Variants in CDH8 observed in about 807,000 individuals in gnomAD.
The protein encoded by CDH8 is cadherin-8.
A neutral mutation model predicts 68.1 loss-of-function variants in CDH8; 17 were observed. That is an observed-to-expected ratio of 0.25 (90% CI 0.17 to 0.37). The LOEUF is 0.37. Ranked by LOEUF, CDH8 falls within the 10% of genes least tolerant of loss-of-function variation. CDH8 has a pLI of 1.00. For synonymous variants in CDH8, 372 were observed against 365.1 expected, an observed-to-expected ratio of 1.02 and a Z score of -0.21; for missense variants, 763 against 999.3, an observed-to-expected ratio of 0.76 and a Z score of 3.19.
intron 2 of CDH8, among the ~76,000 whole-genome samples, chr16:62,003,790 A>G (rs1458917950): frequency 2.0e-5 from 3 of 152,338 alleles, no homozygotes; most frequent in South Asian, 4.1e-4. Flanking sequence ...CCATCTGTCA[A>G]TATGGAATGT....
intron 3 of CDH8, among the ~76,000 whole-genome samples, chr16:61,866,227 A>T (rs76414417): frequency 2.8e-5 from 4 of 143,716 alleles, no homozygotes; most frequent in Non-Finnish European, 4.6e-5. Flanking sequence ...CTGTCTCAAT[A>T]AAAAAAAAAA....
intron 8 of CDH8, among the ~76,000 whole-genome samples, chr16:61,740,132 T>C (rs1276704619): frequency 6.6e-6 from 1 of 151,712 alleles, no homozygotes; most frequent in Non-Finnish European, 1.5e-5. Flanking sequence ...GGTCTCGATC[T>C]CCTGACCTCG....
intron 7 of CDH8, among the ~76,000 whole-genome samples, chr16:61,800,242 TG>T (rs539258139): frequency 2.2e-4 from 33 of 152,220 alleles, no homozygotes; most frequent in Non-Finnish European, 4.7e-4. Flanking sequence ...TAATTCATTC[TG>T]GGGACAAAAA....
intron 4 of CDH8, among the ~76,000 whole-genome samples, chr16:61,846,347 A>G (rs1339617126): frequency 2.0e-5 from 3 of 152,254 alleles, no homozygotes; most frequent in African/African-American, 7.2e-5. Flanking sequence ...TTATGATGGC[A>G]TCTCTCCAGT....
At chr16:61,852,597 C>T (rs8058744) in intron 4 of CDH8, among the ~76,000 whole-genome samples, 2 of 151,860 alleles carry the variant, frequency 1.3e-5, no homozygotes, top group East Asian at 2.0e-4. Flanking sequence ...ATGAATGCTG[C>T]TCCTAAATGA....
At chr16:61,771,296 T>C (rs1960770205) in intron 8 of CDH8, among the ~76,000 whole-genome samples, 2 of 151,746 alleles carry the variant, frequency 1.3e-5, no homozygotes. Flanking sequence ...TTTTTGTTTC[T>C]TTGTAACTGC....
At chr16:61,938,990 A>G (rs903562878) in intron 2 of CDH8, among the ~76,000 whole-genome samples, 18 of 152,208 alleles carry the variant, frequency 1.2e-4, no homozygotes, top group African/African-American at 4.1e-4. Context: ...CAGTATAAAC[A>G]CGTCCGTCAC....
At chr16:61,847,880 T>TACACACAC (rs79432523) in intron 4 of CDH8, among the ~76,000 whole-genome samples, 7 of 147,936 alleles carry the variant, frequency 4.7e-5, no homozygotes, top group African/African-American at 1.7e-4. Flanking sequence ...CCAACTATCC[T>TACACACAC]ACACACACAC....
intron 10 of CDH8, among the ~76,000 whole-genome samples, chr16:61,677,971 T>C (rs1312034948): frequency 2.0e-5 from 3 of 152,078 alleles, no homozygotes; most frequent in Admixed American, 2.0e-4. Context: ...CTATTCTCTC[T>C]GAAGCCTGCT....
At chr16:61,763,669 T>C in intron 8 of CDH8, among the ~76,000 whole-genome samples, 1 of 152,138 alleles carries the variant, frequency 6.6e-6, no homozygotes, top group African/African-American at 2.4e-5. Flanking sequence ...TCATTTATCA[T>C]TTTTATATCT....
Position 61,959,809 on chromosome 16 carries a change from ATC to A in CDH8, c.253-58338_253-58337del, listed in dbSNP as rs1157918620. Among the ~76,000 whole-genome samples, 154 of 138,516 alleles carry A rather than the reference ATC, an allele frequency of 1.1e-3. 1 individual carries two copies. The highest frequency in any genetic ancestry group is 4.8e-3 in the Middle Eastern group (1 of 208). The allele number at this position is 138,516 out of a possible 152,430, so 90.9% of individuals were successfully genotyped here. On this transcript the variant is annotated intron_variant, in intron 2 of 11. Coordinates refer to ENST00000577390, the MANE Select transcript of CDH8 (RefSeq NM_001796.5). ...GGATATGGTCATTATACCTTAACAAATCTCTCTCTCTCTGTATGTGTGTGTGT... is the reference window on the plus strand; with the variant it reads ...GGATATGGTCATTATACCTTAACAAATCTCTCTCTCTGTATGTGTGTGTGT...
intron 2 of CDH8, among the ~76,000 whole-genome samples, chr16:61,923,442 AC>A (rs1453922879): frequency 6.6e-6 from 1 of 152,086 alleles, no homozygotes; most frequent in Non-Finnish European, 1.5e-5. Flanking sequence ...TAGCAGCATA[AC>A]GTTTGGGAAA....
In CDH8 at chr16:62,015,056, C is replaced by T. The variant is rs559879029; in HGVS notation, c.252+6096G>A. 1.4e-4 allele frequency among the ~76,000 whole-genome samples: 21 copies of T among 152,002 alleles called. No homozygotes were observed. The East Asian group carries it at 1.7e-3, about 13-fold the overall frequency. On this transcript the variant is annotated intron_variant, in intron 2 of 11. Coordinates refer to ENST00000577390, the MANE Select transcript of CDH8 (RefSeq NM_001796.5). ...ACACAGAGGCTGAGCATCTCTAATCCGAAAATCTGAAATCTAAAAAGCTCC... is the reference window on the plus strand; with the variant it reads ...ACACAGAGGCTGAGCATCTCTAATCTGAAAATCTGAAATCTAAAAAGCTCC...
intron 8 of CDH8, among the ~76,000 whole-genome samples, chr16:61,751,382 T>TAAAAAAAAAAAAAAAAAA (rs71134375): frequency 9.2e-5 from 5 of 54,152 alleles, no homozygotes; most frequent in African/African-American, 3.9e-4. Flanking sequence ...ATATTCTCCT[T>TAAAAAAAAAAAAAAAAAA]AAAAAAAAAA....
At chr16:61,758,942 T>C (rs1211141930) in intron 8 of CDH8, among the ~76,000 whole-genome samples, 1 of 152,106 alleles carries the variant, frequency 6.6e-6, no homozygotes, top group Non-Finnish European at 1.5e-5. Flanking sequence ...AATCTGACTT[T>C]GGTGACGCCA....
At chr16:61,709,595 T>C (rs2142862968) in intron 10 of CDH8, among the ~76,000 whole-genome samples, 1 of 152,202 alleles carries the variant, frequency 6.6e-6, no homozygotes. Flanking sequence ...AGTATGTGTG[T>C]TTGCAGGGAG....
At position 61,857,134 on chromosome 16, in the gene CDH8, T is replaced by C. The variant is rs1253229688; in HGVS notation, c.652A>G (p.Ile218Val). 1.2e-6 allele frequency: 2 copies of C among 1,613,570 alleles called. No individual in the cohort carries two copies. The highest frequency in any genetic ancestry group is 8.5e-7 in the Non-Finnish European group (1 of 1,179,616). ...SILEGQPYFS[I>V]EPETAIIKTA... ...GGCCACAAACCTGTTTCAGGCTCAA[T>C]GGAAAAATAAGGCTGCCCTTCCAAT... Residue 218 changes from isoleucine to valine, a missense_variant, in exon 4 of 12, where the codon ATT becomes GTT. Coordinates refer to ENST00000577390, the MANE Select transcript of CDH8 (RefSeq NM_001796.5).
At chr16:61,799,935 G>A (rs1171137015) in intron 7 of CDH8, among the ~76,000 whole-genome samples, 1 of 152,042 alleles carries the variant, frequency 6.6e-6, no homozygotes, top group Non-Finnish European at 1.5e-5. Context: ...GTCTCACGAG[G>A]TCTCCCTCTG....
intron 7 of CDH8, among the ~76,000 whole-genome samples, chr16:61,789,704 A>G (rs1961333612): frequency 6.6e-6 from 1 of 152,136 alleles, no homozygotes; most frequent in Admixed American, 6.5e-5. Context: ...CATGTAGTTC[A>G]TAAACTGCCA....
Sources: gnomAD v4.1 joint callset for allele counts (sites outside exome capture counted in the v4.1 genomes callset) on GRCh38, gnomAD v4.1.1 for gene constraint, MANE v1.5 for transcripts, NCBI Gene and HGNC (gene_info 2026-07-23, HGNC 2026-07-21) for gene names.